The following KSR2 variants were observed in gnomAD, a reference collection of about 807,000 sequenced individuals.
KSR2 encodes kinase suppressor of ras 2.
Under a neutral mutation model 107.8 loss-of-function variants are expected in KSR2, and 25 were observed. That is an observed-to-expected ratio of 0.23 (90% CI 0.17 to 0.32). The LOEUF is 0.32. KSR2 is among the 10% of genes least tolerant of loss of function. The pLI, the probability that KSR2 is intolerant of heterozygous loss-of-function variation, is 1.00. For missense variants in KSR2, 887 were observed against 1,268.9 expected (o/e 0.70, Z 4.57); for synonymous variants, 480 against 507.0 (o/e 0.95, Z 0.71).
chr12:117,829,762 A>G (rs59633604), intron 3 of KSR2, among the ~76,000 whole-genome samples: 2,945 of 152,316 alleles, frequency 0.019, 108 homozygotes, highest in African/African-American at 0.067. Flanking sequence ...CAATGCATAC[A>G]TGATTAGATG....
chr12:117,825,854 G>C (rs1291632475), intron 3 of KSR2, among the ~76,000 whole-genome samples: 1 of 151,068 alleles, frequency 6.6e-6, no homozygotes, highest in Non-Finnish European at 1.5e-5. Flanking sequence ...TGGATAAATG[G>C]GTGGGTGGGT....
chr12:117,706,040 T>TC (rs1241730756), intron 4 of KSR2, among the ~76,000 whole-genome samples: 2 of 129,692 alleles, frequency 1.5e-5, no homozygotes, highest in Non-Finnish European at 1.6e-5. Context: ...TTGTTGGGTC[T>TC]TTTTTTTTTT....
At chr12:117,706,191 A>C (rs1373196036) in intron 4 of KSR2, among the ~76,000 whole-genome samples, 1 of 151,546 alleles carries the variant, frequency 6.6e-6, no homozygotes, top group Non-Finnish European at 1.5e-5. Flanking sequence ...TTACAGGTGC[A>C]TGCCACCACA....
At chr12:117,522,290 G>A (rs559865132) in intron 14 of KSR2, among the ~76,000 whole-genome samples, 21 of 152,230 alleles carry the variant, frequency 1.4e-4, no homozygotes, top group African/African-American at 4.8e-4. Context: ...AGGGGGTGAG[G>A]GAGGCATGGG....
chr12:117,871,355 G>A (rs1041725563), intron 1 of KSR2, among the ~76,000 whole-genome samples: 3 of 152,220 alleles, frequency 2.0e-5, no homozygotes, highest in East Asian at 1.9e-4. Context: ...TTGGGAGACC[G>A]AGGCAGGAGG....
chr12:117,905,715 G>C (rs79858144), intron 1 of KSR2, among the ~76,000 whole-genome samples: 4,301 of 152,234 alleles, frequency 0.028, 98 homozygotes, highest in Non-Finnish European at 0.042. Context: ...CGAGGGTTCA[G>C]ATCACTGCTC....
Position 117,863,436 on chromosome 12 carries a change from C to T in KSR2, c.181-3005G>A, listed in dbSNP as rs551885035. On this transcript the variant is annotated intron_variant, in intron 1 of 19. Coordinates refer to ENST00000339824, the MANE Select transcript of KSR2 (RefSeq NM_173598.6). ...CCAGCCACACCCATCATCTGAGCCC[C>T]AGCAGTGAGCGGAGAAACCAGATCT... Among the ~76,000 whole-genome samples the T allele has an allele frequency of 2.6e-5, 4 of 152,318 alleles. No homozygotes were observed. The South Asian group carries it at 8.3e-4, about 32-fold the overall frequency.
intron 14 of KSR2, 71 bp downstream of exon 14, chr12:117,524,781 A>T: frequency 1.3e-6 from 2 of 1,525,922 alleles, no homozygotes; most frequent in Non-Finnish European, 1.8e-6. Flanking sequence ...AAGTAAGCAG[A>T]AAACCATTTC....
intron 1 of KSR2, among the ~76,000 whole-genome samples, chr12:117,949,840 C>T (rs985560358): frequency 6.6e-6 from 1 of 152,106 alleles, no homozygotes; most frequent in Admixed American, 6.6e-5. Flanking sequence ...TTTGCCAAAA[C>T]TCAGTAAGTA....
At chr12:117,865,355 G>A (rs902131208) in intron 1 of KSR2, among the ~76,000 whole-genome samples, 3 of 152,008 alleles carry the variant, frequency 2.0e-5, no homozygotes, top group East Asian at 1.9e-4. Context: ...TCTGCAAATC[G>A]GGCTTTTTAC....
intron 1 of KSR2, among the ~76,000 whole-genome samples, chr12:117,962,147 TAAAAA>T (rs36119176): frequency 1.8e-5 from 2 of 112,452 alleles, no homozygotes; most frequent in African/African-American, 3.3e-5. Context: ...CCTGTCTCTT[TAAAAA>T]AAAAAAAAAA....
intron 4 of KSR2, among the ~76,000 whole-genome samples, chr12:117,756,250 CAG>C (rs1671143320): frequency 6.6e-6 from 1 of 152,216 alleles, no homozygotes; most frequent in African/African-American, 2.4e-5. Flanking sequence ...CTAGGACTCT[CAG>C]AGCTAGAGAG....
At chr12:117,754,812 AT>A (rs1465924875) in intron 4 of KSR2, among the ~76,000 whole-genome samples, 1 of 152,188 alleles carries the variant, frequency 6.6e-6, no homozygotes, top group East Asian at 1.9e-4. Context: ...AAAAATAAAA[AT>A]AAAAATAGCC....
rs577760714 is a variant in KSR2, at chr12:117,525,811, C to T, written c.1852-592G>A. 5.3e-5 allele frequency among the ~76,000 whole-genome samples: 8 copies of T among 152,282 alleles called. No individual in the cohort carries two copies. The South Asian group carries it at 1.7e-3, about 32-fold the overall frequency. The stretch of plus-strand genomic sequence containing the variant: ...GAATTTGGAATTGATGATTCAAAAA[C>T]TGGGAGAGGTCAGAGCTACAAGCTA... On this transcript the variant is annotated intron_variant, in intron 13 of 19. Transcript: ENST00000339824.
intron 4 of KSR2, among the ~76,000 whole-genome samples, chr12:117,682,755 T>C (rs1167198488): frequency 1.3e-5 from 2 of 152,052 alleles, no homozygotes; most frequent in Non-Finnish European, 2.9e-5. Flanking sequence ...AAAAGATCAC[T>C]CTGCCAGATG....
At chr12:117,702,510 G>A (rs1276450108) in intron 4 of KSR2, among the ~76,000 whole-genome samples, 1 of 152,180 alleles carries the variant, frequency 6.6e-6, no homozygotes, top group Non-Finnish European at 1.5e-5. Context: ...ACTGAAAAAG[G>A]AAGGAAACAG....
At chr12:117,493,226 A>T (rs1368097810) in intron 14 of KSR2, among the ~76,000 whole-genome samples, 1 of 152,174 alleles carries the variant, frequency 6.6e-6, no homozygotes, top group African/African-American at 2.4e-5. Flanking sequence ...GAATGACGAC[A>T]ACTGTTCCTC....
chr12:117,770,392 G>T (rs1566005268), intron 3 of KSR2, among the ~76,000 whole-genome samples: 1 of 152,130 alleles, frequency 6.6e-6, no homozygotes, highest in Non-Finnish European at 1.5e-5. Context: ...CCGTGGGACA[G>T]GCAAGGAACC....
intron 1 of KSR2, among the ~76,000 whole-genome samples, chr12:117,906,200 A>G (rs1894837647): frequency 6.6e-6 from 1 of 151,896 alleles, no homozygotes; most frequent in African/African-American, 2.4e-5. Context: ...AAATACAAAA[A>G]AAATTAACCA....
Sources: allele counts gnomAD v4.1 joint callset (sites outside exome capture counted in the v4.1 genomes callset), GRCh38; gene constraint gnomAD v4.1.1; transcripts MANE v1.5; gene names NCBI Gene and HGNC (gene_info 2026-07-23, HGNC 2026-07-21).